Variants in ASCC3 observed in about 807,000 individuals in gnomAD.
ASCC3 encodes the protein ASC-1 complex subunit P200.
In ASCC3, 158 loss-of-function variants were observed where a neutral mutation model predicts 256.3. That is an observed-to-expected ratio of 0.62 (90% CI 0.54 to 0.70). The LOEUF (loss-of-function observed/expected upper bound fraction) is 0.70, where lower values mean the gene tolerates loss of function less well. ASCC3 is among the 30% of genes least tolerant of loss of function. The pLI is 0.00. For missense variants in ASCC3, 2,259 were observed against 2,626.0 expected (o/e 0.86, Z 3.05); for synonymous variants, 948 against 883.4 (o/e 1.07, Z -1.30).
At chr6:100,758,509 T>C (rs917712276) in intron 10 of ASCC3, among the ~76,000 whole-genome samples, 1 of 152,174 alleles carries the variant, frequency 6.6e-6, no homozygotes, top group Non-Finnish European at 1.5e-5. Flanking sequence ...TGTTCCTGTA[T>C]TAGTCTGCTG....
intron 36 of ASCC3, among the ~76,000 whole-genome samples, chr6:100,548,741 A>T (rs2114680001): frequency 6.6e-6 from 1 of 152,050 alleles, no homozygotes; most frequent in African/African-American, 2.4e-5. Context: ...GATATACAGG[A>T]TGAGCAGATA....
chr6:100,647,656 T>G (rs963868163), intron 20 of ASCC3, among the ~76,000 whole-genome samples: 9 of 152,176 alleles, frequency 5.9e-5, no homozygotes, highest in African/African-American at 2.2e-4. Context: ...TGGATGCTAC[T>G]TGCTTACTCT....
intron 13 of ASCC3, among the ~76,000 whole-genome samples, chr6:100,680,237 T>C (rs932894678): frequency 2.0e-5 from 3 of 152,124 alleles, no homozygotes; most frequent in African/African-American, 7.2e-5. Flanking sequence ...AATGCTTCTG[T>C]AGAAGTACCT....
At chr6:100,660,287 G>A (rs1184947122) in intron 16 of ASCC3, among the ~76,000 whole-genome samples, 3 of 151,462 alleles carry the variant, frequency 2.0e-5, no homozygotes, top group African/African-American at 4.8e-5. Context: ...TCACTCTCTG[G>A]ATAATATCTC....
chr6:100,860,563 A>G (rs949161570), intron 3 of ASCC3, among the ~76,000 whole-genome samples: 1 of 151,966 alleles, frequency 6.6e-6, no homozygotes, highest in African/African-American at 2.4e-5. Flanking sequence ...TCATTTGTTT[A>G]TTGAACATCT....
intron 1 of ASCC3, among the ~76,000 whole-genome samples, chr6:100,874,810 T>C (rs901335372): frequency 5.9e-5 from 9 of 151,766 alleles, no homozygotes; most frequent in Admixed American, 2.0e-4. Flanking sequence ...GCACTAGATA[T>C]AAAGAAGGAA....
At chr6:100,656,645 C>A (rs1775928425) in intron 16 of ASCC3, among the ~76,000 whole-genome samples, 1 of 151,060 alleles carries the variant, frequency 6.6e-6, no homozygotes, top group South Asian at 2.1e-4. Context: ...AAAAACACAA[C>A]AATAGCATAT....
chr6:100,875,046 C>A (rs1274276585), intron 1 of ASCC3, among the ~76,000 whole-genome samples: 2 of 152,148 alleles, frequency 1.3e-5, no homozygotes, highest in Admixed American at 6.5e-5. Flanking sequence ...AAAATACTAA[C>A]ATGTTACAGA....
At chr6:100,869,918 T>TAA in intron 1 of ASCC3, among the ~76,000 whole-genome samples, 1 of 152,174 alleles carries the variant, frequency 6.6e-6, no homozygotes, top group South Asian at 2.1e-4. Context: ...AAAAAAAACC[T>TAA]CTCTACATAA....
At position 100,669,195 on chromosome 6, in the gene ASCC3, AT is replaced by A. The variant is rs1398819870; in HGVS notation, c.2287-6660del. Among the ~76,000 whole-genome samples, 6 of 149,890 alleles carry A rather than the reference AT, an allele frequency of 4.0e-5. No individual in the cohort carries two copies. In the East Asian group the frequency reaches 7.8e-4, roughly 19 times the overall value. On this transcript the variant is annotated intron_variant, in intron 14 of 41. Coordinates refer to ENST00000369162, the MANE Select transcript of ASCC3 (RefSeq NM_006828.4). ...TCTTTTCCTTAATATTATGTAAAAT[AT>A]TTTTTATATTACATATTTTCTAAAA...
rs1773750015 is a variant in ASCC3, at chr6:100,511,281, G to A, written c.6286-1174C>T. ...ATAATACAAAAAATTAGCTGGGTATGGTGGCAGGCACCTGTAATCCCAGTT... is the reference window on the plus strand; with the variant it reads ...ATAATACAAAAAATTAGCTGGGTATAGTGGCAGGCACCTGTAATCCCAGTT... On this transcript the variant is annotated intron_variant, in intron 40 of 41. Coordinates refer to ENST00000369162, the MANE Select transcript of ASCC3 (RefSeq NM_006828.4). Among the ~76,000 whole-genome samples the A allele has an allele frequency of 2.0e-5, 3 of 152,088 alleles. 1 individual carries two copies. In the South Asian group the frequency reaches 6.2e-4, roughly 32 times the overall value.
At chr6:100,546,692 GTTTA>G (rs1775733128) in intron 36 of ASCC3, among the ~76,000 whole-genome samples, 2 of 152,010 alleles carry the variant, frequency 1.3e-5, no homozygotes, top group South Asian at 2.1e-4. Context: ...AATTTAACAA[GTTTA>G]TTTATAGTTA....
intron 14 of ASCC3, among the ~76,000 whole-genome samples, chr6:100,674,441 C>A (rs1032196828): frequency 6.6e-6 from 1 of 151,746 alleles, no homozygotes; most frequent in Non-Finnish European, 1.5e-5. Context: ...ATATTTCTTC[C>A]ACCAACCTGC....
chr6:100,831,905 G>A (rs1386507132), intron 4 of ASCC3, among the ~76,000 whole-genome samples: 2 of 151,500 alleles, frequency 1.3e-5, no homozygotes, highest in African/African-American at 4.9e-5. Context: ...AAGAACTGGT[G>A]GATATAAAAA....
In ASCC3 at chr6:100,607,036, G is replaced by C; in HGVS notation, c.4838C>G (p.Ala1613Gly). 2 of 1,613,658 alleles carry C rather than the reference G, an allele frequency of 1.2e-6. No individual in the cohort carries two copies. The highest frequency in any genetic ancestry group is 1.7e-6 in the Non-Finnish European group (2 of 1,179,794). ...AGCATGATGCATTCCTATCCCGAAA[G>C]CAAGGGTCAGCTTGAGGTTGGAATC... Reference protein sequence around the residue: ...VRDSNLKLTLAFGIGMHHAGL... With the variant: ...VRDSNLKLTLGFGIGMHHAGL... The change falls in exon 31 of 42, where the codon GCT becomes GGT. Residue 1613 changes from alanine (A) to glycine (G), a missense_variant. Coordinates refer to ENST00000369162, the MANE Select transcript of ASCC3 (RefSeq NM_006828.4).
At chr6:100,586,142 A>C (rs192933213) in intron 36 of ASCC3, among the ~76,000 whole-genome samples, 1 of 152,120 alleles carries the variant, frequency 6.6e-6, no homozygotes, top group African/African-American at 2.4e-5. Context: ...AAGTCTGCAG[A>C]CGTTACTGCT....
At chr6:100,710,574 T>A (rs1778811771) in intron 13 of ASCC3, among the ~76,000 whole-genome samples, 1 of 152,198 alleles carries the variant, frequency 6.6e-6, no homozygotes, top group South Asian at 2.1e-4. Context: ...TCATCTCTAC[T>A]GACTAAACGC....
chr6:100,530,251 G>A, intron 37 of ASCC3: 1 of 944,456 alleles, frequency 1.1e-6, no homozygotes, highest in Non-Finnish European at 1.7e-6. Context: ...CACAGGAGGA[G>A]GGGAGAGGCC....
chr6:100,803,766 A>G (rs1770036487), intron 5 of ASCC3, among the ~76,000 whole-genome samples: 1 of 152,184 alleles, frequency 6.6e-6, no homozygotes, highest in African/African-American at 2.4e-5. Flanking sequence ...AAAATCTGTC[A>G]GAAATTTTAG....
Sources: gnomAD v4.1 joint callset for allele counts (sites outside exome capture counted in the v4.1 genomes callset) on GRCh38, gnomAD v4.1.1 for gene constraint, MANE v1.5 for transcripts, NCBI Gene and HGNC (gene_info 2026-07-23, HGNC 2026-07-21) for gene names.